Variants in PLXNA2 observed in about 807,000 individuals in gnomAD.
The protein encoded by PLXNA2 is plexin A2, also known as plexin-A2.
In PLXNA2, 91 loss-of-function variants were observed where a neutral mutation model predicts 193.5. The observed-to-expected ratio is 0.47, with a 90% confidence interval of 0.40 to 0.56. The LOEUF (loss-of-function observed/expected upper bound fraction) is 0.56. Ranked by LOEUF, PLXNA2 falls within the 20% of genes least tolerant of loss-of-function variation. The probability of loss-of-function intolerance (pLI) is 0.00; values close to 1 mark genes in which losing one functional copy is unlikely to be tolerated. For missense variants in PLXNA2, 1,995 were observed against 2,503.2 expected (o/e 0.80, Z 4.33); for synonymous variants, 997 against 1,027.3 (o/e 0.97, Z 0.56).
chr1:208,031,170 A>G, intron 29 of PLXNA2: 1 of 1,005,978 alleles, frequency 9.9e-7, no homozygotes, highest in South Asian at 4.1e-5. Context: ...CCATCTCAGG[A>G]AGTGCCTTAG....
rs1664421849 is a variant in PLXNA2 at position 208,028,980 on chromosome 1, T to C, written c.5288A>G (p.Lys1763Arg). ...GAGGCAGGCGTCCGTGATGCTGCCC[T>C]TGTGGATGTCAAACACGAACTGGGG... ...KNPQFVFDIH[K>R]GSITDACLSV... is the part of the protein sequence containing the mutation. Residue 1763 changes from lysine (K) to arginine (R), a missense_variant, in exon 30 of 32, where the codon AAG (lysine) becomes AGG (arginine). By Grantham distance (26) the Lys-to-Arg change is conservative. Transcript: ENST00000367033. The surrounding 1 kb of genome is among the most constrained non-coding windows in gnomAD (Gnocchi z 4.2). 1.2e-6 allele frequency: 2 copies of C among 1,613,794 alleles called. No homozygotes were observed. Among genetic ancestry groups the C allele is most frequent in the South Asian group, 1.1e-5 (1 of 91,050 alleles).
chr1:208,088,552 T>C (rs370025394), intron 9 of PLXNA2, among the ~76,000 whole-genome samples: 16 of 152,358 alleles, frequency 1.1e-4, no homozygotes, highest in African/African-American at 3.6e-4. Context: ...CATCCTCCCG[T>C]GCACACCCGC....
chr1:208,069,435 C>T (rs578236649), intron 12 of PLXNA2, among the ~76,000 whole-genome samples: 1 of 152,354 alleles, frequency 6.6e-6, no homozygotes, highest in Admixed American at 6.5e-5. Context: ...TGATGCTGCA[C>T]CCGACCTCAT....
intron 3 of PLXNA2, among the ~76,000 whole-genome samples, chr1:208,159,658 G>C (rs1428159716): frequency 1.3e-5 from 2 of 152,246 alleles, no homozygotes; most frequent in Admixed American, 1.3e-4. Context: ...ACGCCCACTT[G>C]CAATTCTTGC....
chr1:208,052,259 A>T, intron 15 of PLXNA2, 68 bp downstream of exon 15: 1 of 1,515,074 alleles, frequency 6.6e-7, no homozygotes, highest in African/African-American at 1.4e-5. Flanking sequence ...ATGAACATGC[A>T]CAGTAACATG....
chr1:208,098,930 A>G lies in PLXNA2; in HGVS notation c.1647T>C (p.Pro549=), dbSNP rs1667004433. The G allele has an allele frequency of 5.0e-6, 8 of 1,613,508 alleles. No individual in the cohort carries two copies. The highest frequency in any genetic ancestry group is 6.8e-6 in the Non-Finnish European group (8 of 1,179,900). The change falls in exon 6 of 32, where the codon CCT becomes CCC. Residue 549 remains proline, a synonymous_variant. Transcript: ENST00000367033. ...RRDKCQQAWE[P]NRFAASISQC... Reference sequence around the variant, plus strand: ...GGCTGATGCTGGCAGCAAATCGATTAGGTTCCCAGGCCTGTTGGCATTTGT... The same window carrying G: ...GGCTGATGCTGGCAGCAAATCGATTGGGTTCCCAGGCCTGTTGGCATTTGT...
At chr1:208,078,313 T>G (rs973784514) in intron 12 of PLXNA2, among the ~76,000 whole-genome samples, 7 of 152,222 alleles carry the variant, frequency 4.6e-5, no homozygotes, top group African/African-American at 1.7e-4. Flanking sequence ...AAAACTGATC[T>G]GGGGTTTTGA....
intron 7 of PLXNA2, 25 bp from the exon 8 acceptor site, chr1:208,096,150 G>A: frequency 1.3e-6 from 2 of 1,588,944 alleles, no homozygotes; most frequent in Non-Finnish European, 1.7e-6. Context: ...AAAAAAGGAT[G>A]GGGTTGGGTA....
intron 3 of PLXNA2, among the ~76,000 whole-genome samples, chr1:208,193,949 T>A (rs1670269793): frequency 6.6e-6 from 1 of 151,848 alleles, no homozygotes; most frequent in African/African-American, 2.4e-5. Context: ...TTAAAAAAAT[T>A]TTTTTTATTT....
At position 208,217,881 on chromosome 1, in the gene PLXNA2, G is replaced by A; in HGVS notation, c.42C>T (p.Asp14=). ...CTGAGAGCAGGACCACAGAGCGGCT[G>A]TCCACCTCCAGGGCCCGGGGCCAGG... The part of the protein sequence containing the change: ...RRPWPRALEV[D]SRSVVLLSVV... The change falls in exon 2 of 32, where the codon GAC becomes GAT. Residue 14 remains aspartate, a synonymous_variant. Coordinates refer to ENST00000367033, the MANE Select transcript of PLXNA2 (RefSeq NM_025179.4). The surrounding 1 kb of genome is among the most constrained non-coding windows in gnomAD (Gnocchi z 4.7). 1 of 1,612,608 alleles carries A rather than the reference G, an allele frequency of 6.2e-7. No individual in the cohort carries two copies. The highest frequency in any genetic ancestry group is 8.5e-7 in the Non-Finnish European group (1 of 1,179,904).
chr1:208,105,498 T>G (rs572771955), intron 4 of PLXNA2, among the ~76,000 whole-genome samples: 6 of 152,324 alleles, frequency 3.9e-5, no homozygotes, highest in African/African-American at 1.4e-4. Context: ...TAACTCCTCC[T>G]TGAGACTGTT....
At position 208,096,711 on chromosome 1, in the gene PLXNA2, C is replaced by T; in HGVS notation, c.1885+19G>A. The stretch of plus-strand genomic sequence containing the variant: ...AGAGAAGCCCCTCATTTGTGGCTCT[C>T]ATGGCAGATATTTCTTACCTTGATC... On this transcript the variant is annotated intron_variant, in intron 7 of 31. Coordinates refer to ENST00000367033, the MANE Select transcript of PLXNA2 (RefSeq NM_025179.4). The T allele has an allele frequency of 6.2e-7, 1 of 1,613,532 alleles. No individual in the cohort carries two copies. The highest frequency in any genetic ancestry group is 8.5e-7 in the Non-Finnish European group (1 of 1,179,708).
chr1:208,103,848 C>G (rs1281692154), intron 4 of PLXNA2, among the ~76,000 whole-genome samples: 1 of 152,220 alleles, frequency 6.6e-6, no homozygotes, highest in Non-Finnish European at 1.5e-5. Context: ...CAGAAAAGAG[C>G]TGCCTGATTC....
chr1:208,098,458 T>TCTCTCTCACACACACACA (rs368366958), intron 6 of PLXNA2, among the ~76,000 whole-genome samples: 8 of 123,522 alleles, frequency 6.5e-5, no homozygotes, highest in African/African-American at 2.2e-4. Flanking sequence ...TCTCTCTCTC[T>TCTCTCTCACACACACACA]CACACACACA....
At chr1:208,146,226 G>A (rs543953679) in intron 3 of PLXNA2, among the ~76,000 whole-genome samples, 20 of 152,312 alleles carry the variant, frequency 1.3e-4, no homozygotes, top group Middle Eastern at 6.8e-3. Context: ...TTTCCATTCT[G>A]ACTCTGTTCT....
rs1558151363 is a variant in PLXNA2 at position 208,026,087 on chromosome 1, A to C, written c.*1156T>G. ...TATTGCTTGCTGTAAACAGTGTTTG[A>C]TTTTTGTTTTCTTTTTAATTGCCAG... is the stretch of plus-strand genomic sequence containing the variant. On this transcript the variant is annotated 3_prime_UTR_variant, in exon 32 of 32. Coordinates refer to ENST00000367033, the MANE Select transcript of PLXNA2 (RefSeq NM_025179.4). The C allele has an allele frequency of 6.6e-6, 1 of 152,588 alleles. No homozygotes were observed. The highest frequency in any genetic ancestry group is 2.4e-5 in the African/African-American group (1 of 41,446). The allele number at this position is 152,588 out of a possible 1,614,324, so 9.5% of individuals were successfully genotyped here.
At chr1:208,167,010 A>C (rs1414242508) in intron 3 of PLXNA2, among the ~76,000 whole-genome samples, 5 of 152,218 alleles carry the variant, frequency 3.3e-5, no homozygotes, top group African/African-American at 1.2e-4. Flanking sequence ...AATAGAGAGC[A>C]GAGCTTGGGG....
chr1:208,086,156 T>G (rs566578472), intron 9 of PLXNA2, among the ~76,000 whole-genome samples: 8 of 152,330 alleles, frequency 5.3e-5, no homozygotes, highest in African/African-American at 1.9e-4. Flanking sequence ...CTTTCCTCAC[T>G]GGGCTGTGAG....
chr1:208,142,282 A>C, intron 4 of PLXNA2, 47 bp downstream of exon 4: 1 of 1,541,042 alleles, frequency 6.5e-7, no homozygotes, highest in Non-Finnish European at 8.8e-7. Flanking sequence ...ACAGATTATC[A>C]GCAGTTTCTT....
Sources: gnomAD v4.1 joint callset for allele counts (sites outside exome capture counted in the v4.1 genomes callset) on GRCh38, gnomAD v4.1.1 for gene constraint, Gnocchi (gnomAD v3.1) non-coding constraint, MANE v1.5 for transcripts, NCBI Gene and HGNC (gene_info 2026-07-23, HGNC 2026-07-21) for gene names.